CYFIP2: variants seen among roughly 807,000 people sequenced by gnomAD.
CYFIP2 encodes cytoplasmic FMR1 interacting protein 2.
A neutral mutation model predicts 158.7 loss-of-function variants in CYFIP2; 29 were observed. The observed-to-expected ratio is 0.18, with a 90% CI of 0.14 to 0.25. The LOEUF is 0.25. Ranked by LOEUF, CYFIP2 falls within the 10% of genes least tolerant of loss-of-function variation. The pLI is 1.00. For synonymous variants in CYFIP2, 585 were observed against 617.6 expected, an observed-to-expected ratio of 0.95 and a Z score of 0.78; for missense variants, 852 against 1,639.5, an observed-to-expected ratio of 0.52 and a Z score of 8.29.
At chr5:157,323,867 T>TC (rs1760804017) in intron 15 of CYFIP2, 54 bp from the exon 16 acceptor site, 1 of 1,451,312 alleles carries the variant, frequency 6.9e-7, no homozygotes, top group Non-Finnish European at 9.1e-7. Flanking sequence ...GCAACCTTTT[T>TC]CCCCGGGGTA....
chr5:157,349,499 T>G (rs1762930041), intron 23 of CYFIP2, among the ~76,000 whole-genome samples: 1 of 152,238 alleles, frequency 6.6e-6, no homozygotes, highest in African/African-American at 2.4e-5. Context: ...ACATGCCACA[T>G]TTTCTTTATC....
chr5:157,319,995 G>A, intron 14 of CYFIP2, 67 bp downstream of exon 14: 1 of 1,568,454 alleles, frequency 6.4e-7, no homozygotes, highest in Non-Finnish European at 8.7e-7. Context: ...CAGAGAGGAT[G>A]TCCTGGCTCA....
rs550003228 is a variant in CYFIP2 at position 157,351,680 on chromosome 5, G to T, written c.2674-7325G>T. On this transcript the variant is annotated intron_variant, in intron 23 of 30. Transcript: ENST00000620254. The stretch of plus-strand genomic sequence containing the variant: ...TTGGCCACTAGAGCTGGAGATCCTG[G>T]CTGGCCTCTTTGATGCTCTGCTGCT... 1.3e-3 allele frequency among the ~76,000 whole-genome samples: 198 copies of T among 152,270 alleles called. 1 individual carries two copies. The highest frequency in any genetic ancestry group is 7.7e-4 in the East Asian group (4 of 5,178).
intron 1 of CYFIP2, among the ~76,000 whole-genome samples, chr5:157,282,457 T>C (rs781391669): frequency 1.3e-5 from 2 of 152,218 alleles, no homozygotes; most frequent in Non-Finnish European, 2.9e-5. Flanking sequence ...ACACTGGGGA[T>C]TAGAATTCAA....
At chr5:157,333,550 C>A in intron 21 of CYFIP2, 104 bp downstream of exon 21, 1 of 1,483,390 alleles carries the variant, frequency 6.7e-7, no homozygotes. Context: ...TAAAGAGGGG[C>A]AGTGAGTCTC....
At chr5:157,389,123 G>A (rs1465205999) in intron 28 of CYFIP2, 66 bp from the exon 29 acceptor site, 1 of 1,464,768 alleles carries the variant, frequency 6.8e-7, no homozygotes, top group Admixed American at 2.0e-5. Context: ...TCGGGAATCT[G>A]TGGTGGGAGG....
intron 28 of CYFIP2, chr5:157,384,539 T>A (rs966659880): frequency 2.2e-6 from 1 of 454,964 alleles, no homozygotes; most frequent in Non-Finnish European, 4.4e-6. Flanking sequence ...TGGTAAGTAT[T>A]TTTGGAGCAC....
In CYFIP2 at chr5:157,361,811, A is replaced by G. The variant is rs1763852894; in HGVS notation, c.3039+213A>G. Among the ~76,000 whole-genome samples, 1 of 152,152 alleles carries G rather than the reference A, an allele frequency of 6.6e-6. No homozygotes were observed. Among genetic ancestry groups the G allele is most frequent in the African/African-American group, 2.4e-5 (1 of 41,432 alleles). The stretch of plus-strand genomic sequence containing the variant: ...CTAGGTCTCAGTTTGCCATTCCCTC[A>G]TGTTATGGAACCAAACTGGGGTCCA... On this transcript the variant is annotated intron_variant, in intron 26 of 30. Transcript: ENST00000620254. The surrounding 1 kb of genome is among the most constrained non-coding windows in gnomAD (Gnocchi z 4.4).
At chr5:157,287,207 A>C (rs1757459872) in intron 3 of CYFIP2, 99 bp downstream of exon 3, 2 of 879,846 alleles carry the variant, frequency 2.3e-6, no homozygotes, top group Non-Finnish European at 1.8e-6. Flanking sequence ...CAGCTACTCT[A>C]AGAACCCCCT....
chr5:157,298,328 TTTTA>T (rs372850169), intron 5 of CYFIP2, among the ~76,000 whole-genome samples: 7 of 151,966 alleles, frequency 4.6e-5, no homozygotes, highest in South Asian at 2.1e-4. Context: ...CGACAATCAG[TTTTA>T]TTTATTTATT....
Position 157,392,844 on chromosome 5 carries a change from G to A in CYFIP2, c.3606G>A (p.Lys1202=). Residue 1202 remains lysine (K), a synonymous_variant, in exon 31 of 31, where the codon AAG becomes AAA. Coordinates refer to ENST00000620254, the MANE Select transcript of CYFIP2 (RefSeq NM_001037333.3). ...CCTTCCTTCTGTAGCCCCTGAAGAA[G>A]ATGGCCGACCGGATCAGGAAGTATC... is the stretch of plus-strand genomic sequence containing the variant. ...DEIIKNVPLK[K]MADRIRKYQI... 1 of 1,613,864 alleles carries A rather than the reference G, an allele frequency of 6.2e-7. No individual in the cohort carries two copies. The highest frequency in any genetic ancestry group is 8.5e-7 in the Non-Finnish European group (1 of 1,179,818).
intron 28 of CYFIP2, among the ~76,000 whole-genome samples, chr5:157,387,681 T>C (rs1310962635): frequency 5.1e-4 from 78 of 152,190 alleles, no homozygotes; most frequent in African/African-American, 1.7e-3. Context: ...AGGATTTTTT[T>C]TTTTTTTTTA....
intron 10 of CYFIP2, among the ~76,000 whole-genome samples, chr5:157,310,489 A>C (rs1234805138): frequency 6.6e-6 from 1 of 152,176 alleles, no homozygotes; most frequent in Non-Finnish European, 1.5e-5. Context: ...ATATGAATGG[A>C]GTGTCCTTGA....
chr5:157,369,217 A>C (rs1489219264), intron 26 of CYFIP2, among the ~76,000 whole-genome samples: 1 of 152,132 alleles, frequency 6.6e-6, no homozygotes, highest in African/African-American at 2.4e-5. Flanking sequence ...GCTTTTAACT[A>C]TTAACACACC....
intron 23 of CYFIP2, among the ~76,000 whole-genome samples, chr5:157,345,217 C>A (rs901411180): frequency 6.6e-6 from 1 of 152,226 alleles, no homozygotes; most frequent in South Asian, 2.1e-4. Context: ...TATAGGCAGC[C>A]ACCTGTGTAA....
chr5:157,347,393 G>A lies in CYFIP2; in HGVS notation c.2673+6236G>A, dbSNP rs73815853. On this transcript the variant is annotated intron_variant, in intron 23 of 30. Coordinates refer to ENST00000620254, the MANE Select transcript of CYFIP2 (RefSeq NM_001037333.3). ...GGGAGGCTTGGAGTCTTGGGAACTC[G>A]GGAACAAGCCAGTGTTCCTTGATCA... is the stretch of plus-strand genomic sequence containing the variant. Among the ~76,000 whole-genome samples the A allele has an allele frequency of 7.7e-3, 1,165 of 151,848 alleles. 21 individuals carry two copies. Among genetic ancestry groups the A allele is most frequent in the African/African-American group, 0.027 (1,104 of 41,342 alleles).
chr5:157,321,489 C>T (rs1040893692), intron 15 of CYFIP2, among the ~76,000 whole-genome samples: 3 of 151,984 alleles, frequency 2.0e-5, no homozygotes, highest in Non-Finnish European at 2.9e-5. Context: ...GCAGTCATAA[C>T]GTTACAGAAA....
At chr5:157,338,498 G>C (rs1211881302) in intron 21 of CYFIP2, among the ~76,000 whole-genome samples, 1 of 152,178 alleles carries the variant, frequency 6.6e-6, no homozygotes. Flanking sequence ...TCAAAGCCTC[G>C]GTTTCCATAT....
At chr5:157,329,788 A>G (rs1466134901) in intron 19 of CYFIP2, among the ~76,000 whole-genome samples, 1 of 152,234 alleles carries the variant, frequency 6.6e-6, no homozygotes, top group Non-Finnish European at 1.5e-5. Flanking sequence ...TTCAGTAGGC[A>G]CATGTGGCTG....
Sources: allele counts gnomAD v4.1 joint callset (sites outside exome capture counted in the v4.1 genomes callset), GRCh38; gene constraint gnomAD v4.1.1; non-coding constraint Gnocchi (gnomAD v3.1); transcripts MANE v1.5; gene names NCBI Gene and HGNC (gene_info 2026-07-23, HGNC 2026-07-21).